KCNG3: variants seen among roughly 807,000 people sequenced by gnomAD.
KCNG3 encodes voltage-gated potassium channel regulatory subunit KCNG3.
A neutral mutation model predicts 29.0 loss-of-function variants in KCNG3; 15 were observed. That is an observed-to-expected ratio of 0.52 (90% confidence interval 0.35 to 0.80). KCNG3 has a LOEUF of 0.80. KCNG3 is among the 30% of genes least tolerant of loss of function. KCNG3 has a pLI of 0.01. For synonymous variants in KCNG3, 322 were observed against 248.9 expected, an observed-to-expected ratio of 1.29 and a Z score of -2.76; for missense variants, 512 against 605.7, an observed-to-expected ratio of 0.85 and a Z score of 1.62.
At chr2:42,403,853 G>A in the KCNG3 span, among the ~76,000 whole-genome samples, 1 of 151,942 alleles carries the variant, frequency 6.6e-6, no homozygotes, top group Non-Finnish European at 1.5e-5. Flanking sequence ...CCCCCATCTA[G>A]GCCTCCCAAA....
At chr2:42,477,289 A>G (rs868571758) in intron 1 of KCNG3, among the ~76,000 whole-genome samples, 5 of 151,648 alleles carry the variant, frequency 3.3e-5, no homozygotes, top group Admixed American at 6.6e-5. Context: ...TCTTATGCTT[A>G]AAGGCAGAAA....
intron 1 of KCNG3, among the ~76,000 whole-genome samples, chr2:42,491,187 CTTTT>C (rs1673865534): frequency 1.3e-5 from 2 of 152,158 alleles, no homozygotes; most frequent in South Asian, 2.1e-4. Context: ...TCTGTCTTCC[CTTTT>C]TTGTTTCTTG....
intron 1 of KCNG3, among the ~76,000 whole-genome samples, chr2:42,445,465 T>C (rs971871231): frequency 2.0e-5 from 3 of 151,916 alleles, no homozygotes; most frequent in African/African-American, 7.3e-5. Flanking sequence ...ACTGGGTGAG[T>C]GCCCTCACCA....
downstream of KCNG3, among the ~76,000 whole-genome samples, chr2:42,438,229 C>A (rs1294594087): frequency 6.6e-6 from 1 of 152,108 alleles, no homozygotes; most frequent in Non-Finnish European, 1.5e-5. Context: ...GCCTGTGTAA[C>A]ATAGGGAGAC....
chr2:42,477,422 C>CACACACACAT (rs11280811), intron 1 of KCNG3, among the ~76,000 whole-genome samples: 3 of 40,786 alleles, frequency 7.4e-5, no homozygotes, highest in African/African-American at 1.3e-4. Flanking sequence ...CACACACACA[C>CACACACACAT]ATATATTTTT....
the KCNG3 span, among the ~76,000 whole-genome samples, chr2:42,432,948 AC>A: frequency 5.8e-4 from 81 of 140,436 alleles, no homozygotes; most frequent in Non-Finnish European, 8.9e-4. Context: ...AAAAAAAAAA[AC>A]AAAAAAACAA....
intron 1 of KCNG3, among the ~76,000 whole-genome samples, chr2:42,484,399 T>C (rs941326514): frequency 1.6e-4 from 25 of 152,214 alleles, no homozygotes; most frequent in African/African-American, 4.8e-4. Flanking sequence ...GAGGCGGAGA[T>C]TGCAGTGAGC....
chr2:42,408,251 C>A, the KCNG3 span, among the ~76,000 whole-genome samples: 1 of 152,294 alleles, frequency 6.6e-6, no homozygotes, highest in East Asian at 1.9e-4. Flanking sequence ...GAGGGCGAGT[C>A]CCCGGTGAGG....
the KCNG3 span, among the ~76,000 whole-genome samples, chr2:42,418,078 A>G: frequency 1.3e-5 from 2 of 152,272 alleles, no homozygotes; most frequent in Middle Eastern, 3.4e-3. Flanking sequence ...ATTAAGTGGC[A>G]TTAAGTATAT....
chr2:42,443,140 T>G lies in KCNG3; in HGVS notation c.*794A>C, dbSNP rs1220902329. ...TTTTTATGTTGGAAGTATTCTTGTT[T>G]GGACATCTAAATATTAGGACAGTTA... is the stretch of plus-strand genomic sequence containing the variant. On this transcript the variant is annotated 3_prime_UTR_variant, in exon 2 of 2. Coordinates refer to ENST00000306078, the MANE Select transcript of KCNG3 (RefSeq NM_133329.6). The G allele has an allele frequency of 6.6e-6, 1 of 152,206 alleles. No individual in the cohort carries two copies. Among genetic ancestry groups the G allele is most frequent in the African/African-American group, 2.4e-5 (1 of 41,454 alleles). 9.4% of individuals were successfully genotyped at this position (152,206 alleles called of 1,614,324 possible).
chr2:42,476,710 G>A lies in KCNG3; in HGVS notation c.665+16127C>T, dbSNP rs545850356. ...TCACCATGTTGGCCAGGCTGGTCTC[G>A]AACTCCTGGCCTCAAGTGATCTGCC... On this transcript the variant is annotated intron_variant, in intron 1 of 1. Coordinates refer to ENST00000306078, the MANE Select transcript of KCNG3 (RefSeq NM_133329.6). Among the ~76,000 whole-genome samples, 91 of 149,892 alleles carry A rather than the reference G, an allele frequency of 6.1e-4. 1 individual carries two copies. In the East Asian group the frequency reaches 0.016, roughly 26 times the overall value.
chr2:42,397,159 C>T, the KCNG3 span, among the ~76,000 whole-genome samples: 1 of 151,634 alleles, frequency 6.6e-6, no homozygotes, highest in Non-Finnish European at 1.5e-5. Context: ...GCAGGAAAAT[C>T]GCTTAAACCC....
intron 1 of KCNG3, among the ~76,000 whole-genome samples, chr2:42,446,204 T>C (rs555073086): frequency 2.0e-5 from 3 of 150,916 alleles, no homozygotes; most frequent in South Asian, 4.2e-4. Context: ...TGAGATGGAG[T>C]GTCGTTCTGT....
chr2:42,477,885 T>A (rs1262636040), intron 1 of KCNG3, among the ~76,000 whole-genome samples: 3 of 39,068 alleles, frequency 7.7e-5, no homozygotes, highest in African/African-American at 8.6e-5. Flanking sequence ...TCTCAAAAAA[T>A]ATATATATAT....
At chr2:42,418,810 G>C in the KCNG3 span, among the ~76,000 whole-genome samples, 4 of 152,136 alleles carry the variant, frequency 2.6e-5, no homozygotes, top group Admixed American at 2.6e-4. Flanking sequence ...CATAAATGAA[G>C]AGTAGTTATT....
chr2:42,468,929 G>A (rs1673212610), intron 1 of KCNG3, among the ~76,000 whole-genome samples: 2 of 123,000 alleles, frequency 1.6e-5, no homozygotes, highest in Non-Finnish European at 3.1e-5. Flanking sequence ...ACTACAGCCT[G>A]GGCGACACAG....
Position 42,493,263 on chromosome 2 carries a change from T to C in KCNG3, c.239A>G (p.His80Arg), listed in dbSNP as rs1210843248. Reference protein sequence around the residue: ...FGFILLYVRGHGKLRFAPRMC... With the variant: ...FGFILLYVRGRGKLRFAPRMC... Reference sequence around the variant, plus strand: ...CCGCGGCGCGAAGCGCAGCTTGCCGTGGCCGCGCACGTAGAGCAGGATGAA... The same window carrying C: ...CCGCGGCGCGAAGCGCAGCTTGCCGCGGCCGCGCACGTAGAGCAGGATGAA... Residue 80 changes from histidine to arginine, a missense_variant, in exon 1 of 2, where the codon CAC (histidine) becomes CGC (arginine). Physicochemically the swap from His to Arg is conservative, Grantham distance 29. This residue lies in a region of KCNG3 where 91 missense variants were observed against 91.1 expected (regional missense o/e 1.00). Coordinates refer to ENST00000306078, the MANE Select transcript of KCNG3 (RefSeq NM_133329.6). 6.8e-6 allele frequency: 11 copies of C among 1,612,068 alleles called. No individual in the cohort carries two copies. Among genetic ancestry groups the C allele is most frequent in the Non-Finnish European group, 8.5e-6 (10 of 1,179,800 alleles).
At chr2:42,479,878 G>A (rs1446145183) in intron 1 of KCNG3, among the ~76,000 whole-genome samples, 3 of 152,074 alleles carry the variant, frequency 2.0e-5, no homozygotes. Flanking sequence ...CAGGCGTGTT[G>A]GTACATGTCT....
the KCNG3 span, among the ~76,000 whole-genome samples, chr2:42,429,874 C>A: frequency 6.6e-6 from 1 of 152,070 alleles, no homozygotes; most frequent in African/African-American, 2.4e-5. Context: ...GATGCCAGAC[C>A]CTGAGAGGCA....
Sources: allele counts gnomAD v4.1 joint callset (sites outside exome capture counted in the v4.1 genomes callset), GRCh38; gene constraint gnomAD v4.1.1; regional missense constraint gnomAD v4.1.1; transcripts MANE v1.5; gene names NCBI Gene and HGNC (gene_info 2026-07-23, HGNC 2026-07-21).